The following LMNTD1 variants were observed in gnomAD, a reference collection of about 807,000 sequenced individuals.
The protein encoded by LMNTD1 is lamin tail domain-containing protein 1.
LMNTD1 carries 35 observed loss-of-function variants against 50.9 expected under a neutral mutation model. The ratio of observed to expected loss-of-function variants is 0.69; its 90% CI spans 0.53 to 0.91. The LOEUF is 0.91. Ranked by LOEUF, LMNTD1 falls within the 40% of genes least tolerant of loss-of-function variation. LMNTD1 has a pLI of 0.00. For missense variants in LMNTD1, 470 were observed against 475.5 expected, an observed-to-expected ratio of 0.99 and a Z score of 0.11; for synonymous variants, 153 against 161.9, an observed-to-expected ratio of 0.94 and a Z score of 0.42.
chr12:25,626,263 G>C (rs1045068699), intron 1 of LMNTD1, among the ~76,000 whole-genome samples: 2 of 152,098 alleles, frequency 1.3e-5, no homozygotes, highest in Non-Finnish European at 2.9e-5. Context: ...TGGTTCCACA[G>C]ATGTGTTAAG....
At chr12:25,524,187 T>A (rs1183029073) in intron 6 of LMNTD1, among the ~76,000 whole-genome samples, 1 of 152,226 alleles carries the variant, frequency 6.6e-6, no homozygotes, top group Non-Finnish European at 1.5e-5. Flanking sequence ...CTGCCCATAT[T>A]TTATTAAAGC....
chr12:25,637,216 C>T (rs1192314466), intron 1 of LMNTD1, among the ~76,000 whole-genome samples: 2 of 152,096 alleles, frequency 1.3e-5, no homozygotes, highest in Non-Finnish European at 2.9e-5. Flanking sequence ...AGGAAAAGGT[C>T]ACCCATACAT....
chr12:25,608,323 C>G (rs1295410402), intron 1 of LMNTD1, among the ~76,000 whole-genome samples: 2 of 152,082 alleles, frequency 1.3e-5, no homozygotes, highest in Non-Finnish European at 1.5e-5. Context: ...GGGCATTTAG[C>G]CCATTTACAT....
intron 1 of LMNTD1, among the ~76,000 whole-genome samples, chr12:25,604,419 A>G (rs2136515974): frequency 6.6e-6 from 1 of 152,200 alleles, no homozygotes; most frequent in East Asian, 1.9e-4. Context: ...ACATATGTAT[A>G]CATGTGCCAT....
intron 9 of LMNTD1, among the ~76,000 whole-genome samples, chr12:25,494,260 A>G (rs546312517): frequency 6.6e-6 from 1 of 152,308 alleles, no homozygotes; most frequent in East Asian, 1.9e-4. Context: ...TATTAAGGTA[A>G]AATTTGGTCA....
chr12:25,570,486 G>A (rs929481354), intron 1 of LMNTD1, among the ~76,000 whole-genome samples: 1 of 152,172 alleles, frequency 6.6e-6, no homozygotes, highest in African/African-American at 2.4e-5. Context: ...CACATATTAA[G>A]TGTGTGCAGT....
intron 1 of LMNTD1, among the ~76,000 whole-genome samples, chr12:25,618,985 G>C (rs1003731082): frequency 6.6e-6 from 1 of 152,090 alleles, no homozygotes; most frequent in Admixed American, 6.6e-5. Context: ...AACAGGTTTG[G>C]TGATGGGTTA....
At chr12:25,539,231 A>C (rs924808104) in intron 4 of LMNTD1, among the ~76,000 whole-genome samples, 7 of 148,442 alleles carry the variant, frequency 4.7e-5, no homozygotes, top group African/African-American at 1.7e-4. Flanking sequence ...GACCTAATAG[A>C]CATCTACAGA....
chr12:25,559,513 C>T (rs1204604171), intron 1 of LMNTD1, among the ~76,000 whole-genome samples: 3 of 152,172 alleles, frequency 2.0e-5, no homozygotes, highest in African/African-American at 7.2e-5. Flanking sequence ...CATGTGTGTG[C>T]ATGTGTCATT....
At chr12:25,553,588 A>G (rs1943901849), upstream of LMNTD1, among the ~76,000 whole-genome samples, 2 of 152,104 alleles carry the variant, frequency 1.3e-5, no homozygotes, top group Admixed American at 1.3e-4. Context: ...CTTTGAGCAC[A>G]TGGAAACAGC....
chr12:25,634,333 T>C (rs1174886891), intron 1 of LMNTD1, among the ~76,000 whole-genome samples: 1 of 152,212 alleles, frequency 6.6e-6, no homozygotes, highest in Non-Finnish European at 1.5e-5. Context: ...TAATTCATTC[T>C]ATGAAGCCAG....
At chr12:25,550,770 A>C (rs1196865507) in intron 2 of LMNTD1, among the ~76,000 whole-genome samples, 3 of 152,220 alleles carry the variant, frequency 2.0e-5, no homozygotes, top group African/African-American at 7.2e-5. Flanking sequence ...AAGTTCCTTT[A>C]TCAGAAATCT....
chr12:25,526,738 T>A (rs759356672), intron 5 of LMNTD1, 31 bp downstream of exon 5: 7 of 1,448,542 alleles, frequency 4.8e-6, no homozygotes, highest in Admixed American at 1.9e-5. Flanking sequence ...TGTACAATTC[T>A]AATGTACAGT....
intron 4 of LMNTD1, among the ~76,000 whole-genome samples, chr12:25,535,413 T>TAA (rs60487615): frequency 5.3e-5 from 8 of 151,406 alleles, no homozygotes; most frequent in African/African-American, 1.9e-4. Context: ...GAAATAATGG[T>TAA]AAAAATTTTC....
At chr12:25,577,159 T>G (rs1057427367) in intron 1 of LMNTD1, among the ~76,000 whole-genome samples, 8 of 152,234 alleles carry the variant, frequency 5.3e-5, no homozygotes, top group African/African-American at 1.9e-4. Flanking sequence ...GGCTTAGGAT[T>G]GTCTTGGCAA....
intron 4 of LMNTD1, among the ~76,000 whole-genome samples, chr12:25,542,753 A>AAT (rs1007604502): frequency 6.6e-6 from 1 of 150,456 alleles, no homozygotes; most frequent in Non-Finnish European, 1.5e-5. Context: ...AAAAAGAAGA[A>AAT]AAAAAAAGCC....
intron 9 of LMNTD1, among the ~76,000 whole-genome samples, chr12:25,502,129 G>A (rs1004372900): frequency 1.3e-5 from 2 of 152,064 alleles, no homozygotes; most frequent in African/African-American, 4.8e-5. Flanking sequence ...AATAATAACC[G>A]AGGAAGATCA....
intron 1 of LMNTD1, among the ~76,000 whole-genome samples, chr12:25,634,533 A>C (rs1946786452): frequency 6.6e-6 from 1 of 152,238 alleles, no homozygotes; most frequent in African/African-American, 2.4e-5. Flanking sequence ...AACAGACGCA[A>C]GTCAGTAAAT....
chr12:25,586,796 T>C (rs1235659057), intron 1 of LMNTD1, among the ~76,000 whole-genome samples: 1 of 152,228 alleles, frequency 6.6e-6, no homozygotes, highest in Admixed American at 6.5e-5. Context: ...GGTGAGTTAC[T>C]GTCAGTCAAG....
Sources: gnomAD v4.1 joint callset for allele counts (sites outside exome capture counted in the v4.1 genomes callset) on GRCh38, gnomAD v4.1.1 for gene constraint, MANE v1.5 for transcripts, NCBI Gene and HGNC (gene_info 2026-07-23, HGNC 2026-07-21) for gene names.